Variants in INSC observed in about 807,000 individuals in gnomAD.
The protein encoded by INSC is INSC spindle orientation adaptor protein.
INSC carries 67 observed loss-of-function variants against 58.6 expected under a neutral mutation model. The observed-to-expected ratio is 1.14, with a 90% CI of 0.94 to 1.40. The LOEUF is 1.40. Among genes scored for constraint, INSC ranks in the 40% most tolerant of loss-of-function variants. The probability of loss-of-function intolerance (pLI) is 0.00; values close to 1 mark genes in which losing one functional copy is unlikely to be tolerated. For synonymous variants in INSC, 262 were observed against 276.1 expected (o/e 0.95, Z 0.51); for missense variants, 714 against 692.0 (o/e 1.03, Z -0.36).
intron 1 of INSC, among the ~76,000 whole-genome samples, chr11:15,129,938 G>C (rs761210396): frequency 7.9e-5 from 12 of 152,162 alleles, no homozygotes; most frequent in Non-Finnish European, 1.2e-4. Flanking sequence ...GTGTTGGGGT[G>C]GCTGGATGAA....
chr11:15,239,560 A>G (rs1329434460), intron 11 of INSC, among the ~76,000 whole-genome samples: 5 of 152,158 alleles, frequency 3.3e-5, no homozygotes, highest in Non-Finnish European at 7.3e-5. Context: ...ATATTGTCAG[A>G]GCACCCACCC....
chr11:15,208,724 A>G (rs10766213), intron 7 of INSC, among the ~76,000 whole-genome samples: 44,114 of 152,130 alleles, frequency 0.29, 7,200 homozygotes, highest in East Asian at 0.74. Flanking sequence ...CAGGCAGTCC[A>G]GGTGCCTAAG....
intron 1 of INSC, among the ~76,000 whole-genome samples, chr11:15,122,972 T>C (rs1441643020): frequency 1.3e-5 from 2 of 152,228 alleles, no homozygotes; most frequent in Non-Finnish European, 2.9e-5. Context: ...TGCCTGGCCC[T>C]GCTGCCCTCT....
intron 2 of INSC, among the ~76,000 whole-genome samples, chr11:15,174,106 C>A (rs1477841409): frequency 6.6e-6 from 1 of 151,780 alleles, no homozygotes; most frequent in Non-Finnish European, 1.5e-5. Flanking sequence ...TCCACCTTGG[C>A]TGACTATTCC....
chr11:15,248,241 T>C (rs1785988355), downstream of INSC, among the ~76,000 whole-genome samples: 1 of 152,220 alleles, frequency 6.6e-6, no homozygotes, highest in Admixed American at 6.5e-5. Flanking sequence ...TCAAGGATAT[T>C]CCTAAGTGGA....
At chr11:15,192,782 C>T (rs1421581342) in intron 6 of INSC, among the ~76,000 whole-genome samples, 1 of 152,182 alleles carries the variant, frequency 6.6e-6, no homozygotes, top group East Asian at 1.9e-4. Context: ...CTCCATCTCT[C>T]ATGTCCCCAG....
intron 1 of INSC, among the ~76,000 whole-genome samples, chr11:15,123,461 T>C (rs751257009): frequency 2.0e-5 from 3 of 152,164 alleles, no homozygotes; most frequent in Non-Finnish European, 4.4e-5. Context: ...AGTAACCAGA[T>C]AGATGATGGA....
rs1848087999 is a variant in INSC at position 15,129,957 on chromosome 11, A to G, written c.-46+14954A>G. ...TGGGGTGGCTGGATGAACACAGCAG[A>G]GGCCAGATTCAGACTCCTTGCTCTT... is the stretch of plus-strand genomic sequence containing the variant. On this transcript the variant is annotated intron_variant, in intron 1 of 12. Coordinates refer to ENST00000379556, the MANE Select transcript of INSC (RefSeq NM_001042536.3). 3.3e-5 allele frequency among the ~76,000 whole-genome samples: 5 copies of G among 152,326 alleles called. No individual in the cohort carries two copies. In the South Asian group the frequency reaches 1.0e-3, roughly 32 times the overall value.
At chr11:15,133,631 A>G (rs540948106) in intron 1 of INSC, among the ~76,000 whole-genome samples, 1 of 152,212 alleles carries the variant, frequency 6.6e-6, no homozygotes, top group African/African-American at 2.4e-5. Context: ...CCTAGGCTTT[A>G]TCACATGTCT....
chr11:15,264,625 A>G, the INSC span, among the ~76,000 whole-genome samples: 2 of 149,380 alleles, frequency 1.3e-5, no homozygotes, highest in Non-Finnish European at 3.0e-5. Flanking sequence ...CTTTTGCTGT[A>G]TCTCTATTCT....
chr11:15,217,456 G>A (rs564792148), intron 7 of INSC, among the ~76,000 whole-genome samples: 2 of 152,294 alleles, frequency 1.3e-5, no homozygotes, highest in Admixed American at 1.3e-4. Flanking sequence ...GGATTCAGAC[G>A]TAGGTAGGCC....
intron 6 of INSC, 52 bp from the exon 7 acceptor site, chr11:15,200,772 C>T (rs1336961484): frequency 2.5e-6 from 4 of 1,608,712 alleles, no homozygotes; most frequent in Non-Finnish European, 3.4e-6. Context: ...CTTGAGTTAG[C>T]CCCAGACAAG....
intron 10 of INSC, among the ~76,000 whole-genome samples, 163 bp from the exon 11 acceptor site, chr11:15,238,756 A>C (rs1367091270): frequency 1.3e-5 from 2 of 152,196 alleles, no homozygotes; most frequent in Non-Finnish European, 2.9e-5. Flanking sequence ...TCAGGAGAAG[A>C]AGGCATGGAG....
intron 3 of INSC, among the ~76,000 whole-genome samples, chr11:15,176,753 C>G (rs1399741246): frequency 6.6e-6 from 1 of 152,168 alleles, no homozygotes. Context: ...AATTCTCTTT[C>G]ATCATTCTCA....
downstream of INSC, among the ~76,000 whole-genome samples, chr11:15,248,608 A>G (rs888487142): frequency 6.6e-6 from 1 of 152,214 alleles, no homozygotes; most frequent in Admixed American, 6.5e-5. Context: ...ACTAAATCGC[A>G]GCCTTTTGCA....
intron 5 of INSC, 44 bp downstream of exon 5, chr11:15,178,491 C>G (rs201126153): frequency 8.1e-5 from 129 of 1,586,946 alleles, no homozygotes; most frequent in Non-Finnish European, 2.3e-5. Context: ...TGTGTGGACC[C>G]TTGGAGGAAA....
the INSC span, among the ~76,000 whole-genome samples, chr11:15,254,279 A>G: frequency 1.3e-5 from 2 of 152,202 alleles, no homozygotes; most frequent in African/African-American, 4.8e-5. Context: ...GACACTTTTT[A>G]GCAGCTAGAT....
chr11:15,112,566 G>A (rs368896159), upstream of INSC: 74 of 1,556,288 alleles, frequency 4.8e-5, no homozygotes, highest in South Asian at 4.9e-4. Context: ...GTGCTGTGCC[G>A]TATGTATCTG....
At chr11:15,193,048 A>G (rs1850238399) in intron 6 of INSC, among the ~76,000 whole-genome samples, 1 of 152,248 alleles carries the variant, frequency 6.6e-6, no homozygotes. Flanking sequence ...GCTGCAGGGC[A>G]TATAACTATC....
Sources: gnomAD v4.1 joint callset for allele counts (sites outside exome capture counted in the v4.1 genomes callset) on GRCh38, gnomAD v4.1.1 for gene constraint, MANE v1.5 for transcripts, NCBI Gene and HGNC (gene_info 2026-07-23, HGNC 2026-07-21) for gene names.